HACD4: variants seen among roughly 807,000 people sequenced by gnomAD.
HACD4 encodes the protein very-long-chain (3R)-3-hydroxyacyl-CoA dehydratase 4.
HACD4 carries 35 observed loss-of-function variants against 33.3 expected under a neutral mutation model. The ratio of observed to expected loss-of-function variants is 1.05; its 90% confidence interval spans 0.80 to 1.39. The LOEUF (loss-of-function observed/expected upper bound fraction) is 1.39, where lower values mean the gene tolerates loss of function less well. Among genes scored for constraint, HACD4 ranks in the 40% most tolerant of loss-of-function variants. The probability of loss-of-function intolerance (pLI) is 0.00; values close to 1 mark genes in which losing one functional copy is unlikely to be tolerated. For synonymous variants in HACD4, 118 were observed against 98.0 expected (o/e 1.20, Z -1.21); for missense variants, 323 against 276.5 (o/e 1.17, Z -1.19).
At chr9:21,028,452 C>G (rs760969851) in intron 2 of HACD4, among the ~76,000 whole-genome samples, 6 of 152,166 alleles carry the variant, frequency 3.9e-5, no homozygotes, top group Non-Finnish European at 7.3e-5. Flanking sequence ...AAAGGCGAGA[C>G]TATATCTGTA....
intron 3 of HACD4, among the ~76,000 whole-genome samples, chr9:21,016,763 C>A: frequency 6.7e-6 from 1 of 148,706 alleles, no homozygotes; most frequent in East Asian, 2.0e-4. Context: ...TCAGTTCCAT[C>A]CAATAGAGAA....
intron 4 of HACD4, among the ~76,000 whole-genome samples, chr9:21,014,677 G>C (rs984899723): frequency 6.6e-6 from 1 of 152,058 alleles, no homozygotes; most frequent in African/African-American, 2.4e-5. Flanking sequence ...CACAAATTTT[G>C]TATTTTAAAA....
At chr9:21,025,744 AAG>A (rs1470299166) in intron 3 of HACD4, among the ~76,000 whole-genome samples, 2 of 152,340 alleles carry the variant, frequency 1.3e-5, no homozygotes, top group African/African-American at 4.8e-5. Flanking sequence ...TGTCTTTACA[AAG>A]AACATGGTAA....
chr9:21,027,068 A>G (rs984124927), intron 2 of HACD4, among the ~76,000 whole-genome samples: 5 of 152,214 alleles, frequency 3.3e-5, no homozygotes, highest in African/African-American at 4.8e-5. Context: ...TCAAGTGTAA[A>G]TAGAAGTGAG....
chr9:21,018,535 C>T (rs1224896105), intron 3 of HACD4, among the ~76,000 whole-genome samples: 1 of 152,112 alleles, frequency 6.6e-6, no homozygotes, highest in African/African-American at 2.4e-5. Context: ...AACACCAAAA[C>T]AATTTTGAAG....
rs761499509 is a variant in HACD4 at position 21,011,638 on chromosome 9, G to A, written c.441C>T (p.Leu147=). The A allele has an allele frequency of 8.7e-6, 14 of 1,612,146 alleles. No individual in the cohort carries two copies. The highest frequency in any genetic ancestry group is 4.0e-5 in the African/African-American group (3 of 74,892). Residue 147 remains leucine, a synonymous_variant, in exon 5 of 7, where the codon CTC becomes CTT. Coordinates refer to ENST00000495827, the MANE Select transcript of HACD4 (RefSeq NM_001010915.5). The part of the protein sequence containing the change: ...IGISYAVLTW[L]SQTLWMPIYP... ...AAATTGGCATCCATAGTGTTTGACTGAGCCATGTCAAGACAGCATAGGATA... is the reference window on the plus strand; with the variant it reads ...AAATTGGCATCCATAGTGTTTGACTAAGCCATGTCAAGACAGCATAGGATA...
At chr9:21,023,722 G>A (rs931063764) in intron 3 of HACD4, among the ~76,000 whole-genome samples, 2 of 151,954 alleles carry the variant, frequency 1.3e-5, no homozygotes, top group Non-Finnish European at 1.5e-5. Flanking sequence ...TCACAGGCAC[G>A]CGCCACCACG....
chr9:21,021,115 C>T (rs1459111221), intron 3 of HACD4, among the ~76,000 whole-genome samples: 1 of 152,110 alleles, frequency 6.6e-6, no homozygotes, highest in Non-Finnish European at 1.5e-5. Context: ...TAAACAGAAC[C>T]AAAGACAAAA....
intron 5 of HACD4, among the ~76,000 whole-genome samples, chr9:21,011,364 A>AG (rs797012388): frequency 1.8e-4 from 27 of 152,358 alleles, no homozygotes; most frequent in African/African-American, 5.5e-4. Flanking sequence ...AATGAAGTGA[A>AG]GGCCTCAGAT....
intron 3 of HACD4, among the ~76,000 whole-genome samples, chr9:21,023,721 C>T (rs1273338417): frequency 2.6e-5 from 4 of 151,996 alleles, no homozygotes; most frequent in East Asian, 3.9e-4. Flanking sequence ...ATCACAGGCA[C>T]GCGCCACCAC....
At chr9:21,021,072 A>G (rs1327410152) in intron 3 of HACD4, among the ~76,000 whole-genome samples, 1 of 152,216 alleles carries the variant, frequency 6.6e-6, no homozygotes, top group East Asian at 1.9e-4. Flanking sequence ...GGCTGGTTCA[A>G]CATACTCAGA....
In HACD4 at chr9:21,029,307, A is replaced by C; in HGVS notation, c.130T>G (p.Ser44Ala). 1 of 1,574,832 alleles carries C rather than the reference A, an allele frequency of 6.3e-7. No individual in the cohort carries two copies. Among genetic ancestry groups the C allele is most frequent in the Non-Finnish European group, 8.7e-7 (1 of 1,151,612 alleles). ...TTCGGAGTTTTACCTTTTCCAAATG[A>C]AAAGAATCTGACTGTCATATTTGTA... ...IFTNMTVRFFSFGKDSMVDTF... is the reference protein window; with the variant it reads ...IFTNMTVRFFAFGKDSMVDTF... Residue 44 changes from serine (S) to alanine (A), a missense_variant, in exon 2 of 7, where the codon TCA (serine) becomes GCA (alanine). Ser to Ala is a moderately conservative substitution (Grantham distance 99). Transcript: ENST00000495827.
At chr9:21,022,862 T>C (rs1817957631) in intron 3 of HACD4, among the ~76,000 whole-genome samples, 1 of 151,848 alleles carries the variant, frequency 6.6e-6, no homozygotes, top group East Asian at 1.9e-4. Context: ...GCCATCCCAT[T>C]ACTGGGTATA....
chr9:21,006,748 T>C lies in HACD4; in HGVS notation c.*289A>G, dbSNP rs1487307748. On this transcript the variant is annotated 3_prime_UTR_variant, in exon 7 of 7. Coordinates refer to ENST00000495827, the MANE Select transcript of HACD4 (RefSeq NM_001010915.5). This position sits in a 1 kb window ranked among gnomAD's most constrained non-coding sequence, Gnocchi z 4.6. The stretch of plus-strand genomic sequence containing the variant: ...GCTAATCTCCTATTTCTCATTAAAC[T>C]TACAGGAAAATAATCAGACTTCATA... The C allele has an allele frequency of 6.3e-6, 2 of 319,344 alleles. No homozygotes were observed. The highest frequency in any genetic ancestry group is 4.4e-5 in the African/African-American group (2 of 44,970). 19.8% of individuals were successfully genotyped at this position (319,344 alleles called of 1,614,324 possible).
chr9:21,011,749 T>C (rs1020659084), intron 4 of HACD4, 54 bp from the exon 5 acceptor site: 71 of 855,968 alleles, frequency 8.3e-5, no homozygotes, highest in Admixed American at 1.6e-4. Context: ...ATCTGGGAAA[T>C]AGGAGAAACT....
In HACD4 at chr9:21,001,826, T is replaced by A. The variant is rs1289060990; in HGVS notation, c.*5211A>T. 6.6e-6 allele frequency: 1 copy of A among 151,994 alleles called. No individual in the cohort carries two copies. Among genetic ancestry groups the A allele is most frequent in the East Asian group, 1.9e-4 (1 of 5,194 alleles). The allele number at this position is 151,994 out of a possible 1,614,324, so 9.4% of individuals were successfully genotyped here. ...AAGACATCCCCAGATAAACAAAAGC[T>A]GAGAAAGTATGTTACCACTAGACCT... On this transcript the variant is annotated 3_prime_UTR_variant, in exon 7 of 7. Transcript: ENST00000495827.
intron 2 of HACD4, among the ~76,000 whole-genome samples, chr9:21,027,781 C>A (rs1361138901): frequency 6.6e-6 from 1 of 152,178 alleles, no homozygotes; most frequent in African/African-American, 2.4e-5. Flanking sequence ...CTGAACGAAT[C>A]GGTTGTGTTT....
At chr9:21,020,756 T>G (rs774105196) in intron 3 of HACD4, among the ~76,000 whole-genome samples, 4 of 152,228 alleles carry the variant, frequency 2.6e-5, no homozygotes, top group Non-Finnish European at 5.9e-5. Context: ...TTATATGATT[T>G]TTATTGTCGT....
intron 6 of HACD4, among the ~76,000 whole-genome samples, chr9:21,007,624 A>G (rs1842301559): frequency 6.6e-6 from 1 of 152,190 alleles, no homozygotes; most frequent in African/African-American, 2.4e-5. Context: ...TTTGCCTGAT[A>G]GGAAGTGCCA....
Sources: gnomAD v4.1 joint callset for allele counts (sites outside exome capture counted in the v4.1 genomes callset) on GRCh38, gnomAD v4.1.1 for gene constraint, Gnocchi (gnomAD v3.1) non-coding constraint, MANE v1.5 for transcripts, NCBI Gene and HGNC (gene_info 2026-07-23, HGNC 2026-07-21) for gene names.